The following MINDY4 variants were observed in gnomAD, a reference collection of about 807,000 sequenced individuals.
The protein encoded by MINDY4 is probable ubiquitin carboxyl-terminal hydrolase MINDY-4.
In MINDY4, 68 loss-of-function variants were observed where a neutral mutation model predicts 87.0. The ratio of observed to expected loss-of-function variants is 0.78; its 90% CI spans 0.64 to 0.96. The LOEUF is 0.96. Among genes scored for constraint, MINDY4 ranks in the 40% least tolerant of loss-of-function variants. MINDY4 has a pLI of 0.00. For synonymous variants in MINDY4, 379 were observed against 363.2 expected (o/e 1.04, Z -0.50); for missense variants, 919 against 928.2 (o/e 0.99, Z 0.13).
chr7:30,836,620 C>T, intron 6 of MINDY4, 38 bp from the exon 7 acceptor site: 1 of 1,525,750 alleles, frequency 6.6e-7, no homozygotes, highest in Non-Finnish European at 9.1e-7. Flanking sequence ...CTCCGTGAGT[C>T]ATAACGAAGG....
intron 5 of MINDY4, among the ~76,000 whole-genome samples, chr7:30,794,493 A>G (rs1324724424): frequency 1.3e-5 from 2 of 152,006 alleles, no homozygotes; most frequent in Non-Finnish European, 2.9e-5. Context: ...TGGAAGTCAC[A>G]CCTAGGGGCA....
At chr7:30,879,521 C>T (rs1200823273) in intron 15 of MINDY4, among the ~76,000 whole-genome samples, 1 of 152,254 alleles carries the variant, frequency 6.6e-6, no homozygotes, top group African/African-American at 2.4e-5. Context: ...CCCTGCCAGA[C>T]CTGCACCTGC....
At chr7:30,772,771 T>A (rs769697847) in intron 1 of MINDY4, among the ~76,000 whole-genome samples, 12 of 152,208 alleles carry the variant, frequency 7.9e-5, no homozygotes, top group Non-Finnish European at 1.3e-4. Flanking sequence ...TGGCTGCATG[T>A]TGGATATCAA....
At chr7:30,821,125 T>A (rs757697612) in intron 5 of MINDY4, among the ~76,000 whole-genome samples, 1 of 152,210 alleles carries the variant, frequency 6.6e-6, no homozygotes, top group Non-Finnish European at 1.5e-5. Flanking sequence ...CCCATTCCCA[T>A]GCTCCTGTTT....
At chr7:30,877,683 C>A (rs79435357) in intron 15 of MINDY4, among the ~76,000 whole-genome samples, 1 of 112,706 alleles carries the variant, frequency 8.9e-6, no homozygotes, top group African/African-American at 3.4e-5. Context: ...TCTTCTTCTT[C>A]TTTTTTTTTT....
intron 15 of MINDY4, among the ~76,000 whole-genome samples, chr7:30,881,842 A>G (rs1298948642): frequency 6.6e-6 from 1 of 152,206 alleles, no homozygotes; most frequent in Non-Finnish European, 1.5e-5. Context: ...GAGGCTGAGT[A>G]GATCTCAGGA....
At chr7:30,782,293 C>G in intron 3 of MINDY4, 81 bp downstream of exon 3, 1 of 1,015,196 alleles carries the variant, frequency 9.9e-7, no homozygotes, top group Non-Finnish European at 1.5e-6. Context: ...CTGTTTCAGT[C>G]AGTATTCTCC....
intron 15 of MINDY4, among the ~76,000 whole-genome samples, chr7:30,875,995 C>T (rs1288180623): frequency 6.6e-6 from 1 of 152,156 alleles, no homozygotes; most frequent in Non-Finnish European, 1.5e-5. Context: ...TCTTAGGCCT[C>T]GTGTTAGTTT....
chr7:30,868,474 A>G (rs1312255391), intron 13 of MINDY4, among the ~76,000 whole-genome samples: 1 of 152,204 alleles, frequency 6.6e-6, no homozygotes, highest in Non-Finnish European at 1.5e-5. Flanking sequence ...AAGCCCATGC[A>G]TTGTGCAGCC....
intron 5 of MINDY4, among the ~76,000 whole-genome samples, chr7:30,809,028 G>T (rs927976000): frequency 4.0e-5 from 6 of 151,106 alleles, no homozygotes; most frequent in Non-Finnish European, 5.9e-5. Flanking sequence ...AAGAGAGAAA[G>T]AAAGAAAGAG....
intron 5 of MINDY4, among the ~76,000 whole-genome samples, chr7:30,815,818 C>A (rs2128559409): frequency 6.6e-6 from 1 of 152,276 alleles, no homozygotes; most frequent in East Asian, 1.9e-4. Context: ...GAGAGAAGGG[C>A]AGGGAGGTGT....
At chr7:30,888,984 A>C (rs1317748254) in intron 17 of MINDY4, among the ~76,000 whole-genome samples, 1 of 152,154 alleles carries the variant, frequency 6.6e-6, no homozygotes, top group African/African-American at 2.4e-5. Flanking sequence ...TTGGGAGCTC[A>C]TACGAGGTAC....
At chr7:30,822,918 A>T (rs1192105203) in intron 5 of MINDY4, among the ~76,000 whole-genome samples, 1 of 151,950 alleles carries the variant, frequency 6.6e-6, no homozygotes, top group Non-Finnish European at 1.5e-5. Flanking sequence ...GGCTGAGATT[A>T]CAGGTGTGAG....
chr7:30,850,284 CTCTT>C (rs1789369439), intron 9 of MINDY4, among the ~76,000 whole-genome samples, 166 bp from the exon 10 acceptor site: 1 of 152,250 alleles, frequency 6.6e-6, no homozygotes, highest in Non-Finnish European at 1.5e-5. Flanking sequence ...GTGGAGACCC[CTCTT>C]TCCTGGGCTT....
rs577130586 is a variant in MINDY4 at position 30,795,695 on chromosome 7, T to C, written c.1073+4121T>C. On this transcript the variant is annotated intron_variant, in intron 5 of 17. Transcript: ENST00000265299. The stretch of plus-strand genomic sequence containing the variant: ...GTCAGAGGTCTGAAGGATGTCTCAC[T>C]GGTCTGCAATCCAGGTGTCAGCAGG... 3.9e-5 allele frequency among the ~76,000 whole-genome samples: 6 copies of C among 152,344 alleles called. No individual in the cohort carries two copies. In the South Asian group the frequency reaches 1.2e-3, roughly 32 times the overall value.
At chr7:30,835,323 A>G (rs1389313996) in intron 6 of MINDY4, among the ~76,000 whole-genome samples, 1 of 152,216 alleles carries the variant, frequency 6.6e-6, no homozygotes, top group Non-Finnish European at 1.5e-5. Context: ...AAGCCATCAG[A>G]TGTTGTGAGA....
chr7:30,782,396 C>G (rs1787033500), intron 3 of MINDY4, among the ~76,000 whole-genome samples, 184 bp downstream of exon 3: 1 of 151,280 alleles, frequency 6.6e-6, no homozygotes, highest in Non-Finnish European at 1.5e-5. Context: ...GCATATGTAC[C>G]TGTATGTATA....
At chr7:30,858,127 T>C (rs2128573369) in intron 12 of MINDY4, 1 of 152,078 alleles carries the variant, frequency 6.6e-6, no homozygotes, top group East Asian at 1.9e-4. Context: ...TCACAGTTCA[T>C]GGTTTCCAAA....
At chr7:30,840,690 G>T in intron 8 of MINDY4, 70 bp from the exon 9 acceptor site, 1 of 1,446,850 alleles carries the variant, frequency 6.9e-7, no homozygotes, top group Non-Finnish European at 9.6e-7. Flanking sequence ...TTCTGGGGTG[G>T]GTTTGGGTGA....
Sources: gnomAD v4.1 joint callset for allele counts (sites outside exome capture counted in the v4.1 genomes callset) on GRCh38, gnomAD v4.1.1 for gene constraint, MANE v1.5 for transcripts, NCBI Gene and HGNC (gene_info 2026-07-23, HGNC 2026-07-21) for gene names.